XNDC1N: variants seen among roughly 807,000 people sequenced by gnomAD.
XNDC1N encodes protein XNDC1N.
At chr11:71,903,001 A>G in the XNDC1N span, among the ~76,000 whole-genome samples, 1 of 152,236 alleles carries the variant, frequency 6.6e-6, no homozygotes, top group Non-Finnish European at 1.5e-5. Context: ...ATCGATGATG[A>G]AAGCATTATA....
the XNDC1N span, among the ~76,000 whole-genome samples, chr11:71,894,687 C>A: frequency 3.9e-5 from 6 of 152,210 alleles, no homozygotes; most frequent in African/African-American, 7.2e-5. Flanking sequence ...GGAATCACAA[C>A]CATCTTTTCA....
the XNDC1N span, among the ~76,000 whole-genome samples, chr11:71,877,346 T>C: frequency 3.9e-5 from 6 of 152,196 alleles, no homozygotes; most frequent in South Asian, 2.1e-4. Context: ...GTCTCTGAAG[T>C]TGATATTCTG....
At chr11:71,896,283 C>A in the XNDC1N span, among the ~76,000 whole-genome samples, 1 of 152,120 alleles carries the variant, frequency 6.6e-6, no homozygotes, top group African/African-American at 2.4e-5. Flanking sequence ...CATCACACAC[C>A]TGCACACAAA....
At chr11:71,893,210 G>A in the XNDC1N span, among the ~76,000 whole-genome samples, 5,369 of 152,176 alleles carry the variant, frequency 0.035, 222 homozygotes, top group African/African-American at 0.12. Context: ...TGTTATATGT[G>A]ACGTTTTGGT....
At chr11:71,915,976 T>G in the XNDC1N span, 2 of 620,696 alleles carry the variant, frequency 3.2e-6, no homozygotes, top group South Asian at 3.6e-5. Flanking sequence ...TGTGTGTACG[T>G]GTGTGTGTGT....
At chr11:71,867,333 C>A in the XNDC1N span, among the ~76,000 whole-genome samples, 4 of 152,200 alleles carry the variant, frequency 2.6e-5, no homozygotes, top group Non-Finnish European at 4.4e-5. Flanking sequence ...GATAAAATGT[C>A]TTTGTGGGAA....
At chr11:71,903,695 C>T in the XNDC1N span, 2 of 404,884 alleles carry the variant, frequency 4.9e-6, no homozygotes, top group African/African-American at 2.2e-5. Flanking sequence ...AGCTGCACAA[C>T]TTGATTGCCT....
the XNDC1N span, among the ~76,000 whole-genome samples, chr11:71,902,702 T>A: frequency 0.029 from 4,458 of 152,090 alleles, no homozygotes; most frequent in African/African-American, 0.1. Flanking sequence ...CATTTCCAGA[T>A]GGCATGGTCT....
the XNDC1N span, chr11:71,917,332 A>G: frequency 8.9e-3 from 5,654 of 634,742 alleles, 231 homozygotes; most frequent in African/African-American, 0.093. Flanking sequence ...ATATTAATCA[A>G]TAAGTGTGTG....
the XNDC1N span, among the ~76,000 whole-genome samples, chr11:71,915,885 G>A: frequency 3.3e-5 from 5 of 152,182 alleles, no homozygotes; most frequent in Admixed American, 6.6e-5. Context: ...TATTCCACGT[G>A]TGAGACAGGG....
At chr11:71,918,668 C>T in the XNDC1N span, among the ~76,000 whole-genome samples, 6 of 152,164 alleles carry the variant, frequency 3.9e-5, no homozygotes, top group Non-Finnish European at 5.9e-5. Flanking sequence ...ATTTGAGGAG[C>T]GCCATTCACA....
chr11:71,892,626 A>T, the XNDC1N span, among the ~76,000 whole-genome samples: 1 of 151,814 alleles, frequency 6.6e-6, no homozygotes, highest in Non-Finnish European at 1.5e-5. Flanking sequence ...GTTCTAAGGG[A>T]TTCTCCTGCT....
At chr11:71,920,257 C>T in the XNDC1N span, among the ~76,000 whole-genome samples, 4 of 151,446 alleles carry the variant, frequency 2.6e-5, no homozygotes, top group South Asian at 8.4e-4. Context: ...CGTGCCCGGC[C>T]CAAAAGCAGA....
chr11:71,902,906 A>G, the XNDC1N span, among the ~76,000 whole-genome samples: 1 of 152,206 alleles, frequency 6.6e-6, no homozygotes, highest in Non-Finnish European at 1.5e-5. Flanking sequence ...CGAATTTGTT[A>G]TATATGACGA....
At chr11:71,911,167 G>A in the XNDC1N span, among the ~76,000 whole-genome samples, 1 of 152,182 alleles carries the variant, frequency 6.6e-6, no homozygotes, top group Non-Finnish European at 1.5e-5. Flanking sequence ...TTGACTGTTG[G>A]GCAAAACCTG....
the XNDC1N span, among the ~76,000 whole-genome samples, chr11:71,911,114 G>A: frequency 2.0e-5 from 3 of 152,224 alleles, no homozygotes; most frequent in Non-Finnish European, 4.4e-5. Flanking sequence ...CCTGTTGGAG[G>A]GCCTTGGCAG....
At chr11:71,892,203 G>T in the XNDC1N span, among the ~76,000 whole-genome samples, 6,712 of 152,102 alleles carry the variant, frequency 0.044, 483 homozygotes, top group African/African-American at 0.15. Context: ...TACACACATG[G>T]TGTACACTCA....
chr11:71,922,288 G>GTTTT, the XNDC1N span, among the ~76,000 whole-genome samples: 61 of 151,728 alleles, frequency 4.0e-4, no homozygotes, highest in African/African-American at 1.5e-3. Context: ...TCCTCTAAGG[G>GTTTT]TTTTTTTGTT....
At chr11:71,893,576 TG>T in the XNDC1N span, 2 of 996,042 alleles carry the variant, frequency 2.0e-6, no homozygotes, top group Non-Finnish European at 3.2e-6. Flanking sequence ...TCCATGCATC[TG>T]GTCATGGTGC....
Sources: allele counts gnomAD v4.1 joint callset (sites outside exome capture counted in the v4.1 genomes callset), GRCh38; gene constraint gnomAD v4.1.1; transcripts MANE v1.5; gene names NCBI Gene and HGNC (gene_info 2026-07-23, HGNC 2026-07-21).